Variants in CAB39L observed in about 807,000 individuals in gnomAD.
CAB39L encodes calcium binding protein 39 like, also known as calcium-binding protein 39-like.
In CAB39L, 23 loss-of-function variants were observed where a neutral mutation model predicts 39.1. That is an observed-to-expected ratio of 0.59 (90% CI 0.42 to 0.83). The LOEUF is 0.83. Among genes scored for constraint, CAB39L ranks in the 40% least tolerant of loss-of-function variants. The probability of loss-of-function intolerance (pLI) is 0.00; values close to 1 mark genes in which losing one functional copy is unlikely to be tolerated. For synonymous variants in CAB39L, 126 were observed against 137.2 expected, an observed-to-expected ratio of 0.92 and a Z score of 0.57; for missense variants, 366 against 391.9, an observed-to-expected ratio of 0.93 and a Z score of 0.56.
intron 5 of CAB39L, among the ~76,000 whole-genome samples, chr13:49,361,561 AAAAG>A (rs60755841): frequency 0.017 from 2,042 of 122,102 alleles, 50 homozygotes; most frequent in African/African-American, 0.053. Context: ...AAAGAGAAAG[AAAAG>A]AAAGAAAGAA....
rs1367095163 is a variant in CAB39L, at chr13:49,379,716, A to C, written c.112-2585T>G. Among the ~76,000 whole-genome samples the C allele has an allele frequency of 2.7e-4, 9 of 33,862 alleles. 3 individuals carry two copies. The highest frequency in any genetic ancestry group is 4.4e-4 in the Non-Finnish European group (7 of 15,864). 22.2% of individuals were successfully genotyped at this position (33,862 alleles called of 152,430 possible). On this transcript the variant is annotated intron_variant, in intron 4 of 10. Coordinates refer to ENST00000409308, the MANE Select transcript of CAB39L (RefSeq NM_001079670.3). ...ATAAAAAAATAAATTTAAAAAAAAA[A>C]AAAAACAAAAAAACAAAAACAGTAA...
At chr13:49,381,944 A>G (rs539676212) in intron 4 of CAB39L, among the ~76,000 whole-genome samples, 66 of 152,344 alleles carry the variant, frequency 4.3e-4, no homozygotes, top group African/African-American at 1.6e-3. Context: ...TTTTCAAAGC[A>G]GTTACATCAA....
At chr13:49,438,639 C>T (rs577010405) in intron 1 of CAB39L, among the ~76,000 whole-genome samples, 4 of 152,214 alleles carry the variant, frequency 2.6e-5, no homozygotes, top group South Asian at 2.1e-4. Flanking sequence ...TAAAATGTTG[C>T]CACCAAAAAT....
At position 49,382,905 on chromosome 13, in the gene CAB39L, T is replaced by C. The variant is rs770936685; in HGVS notation, c.6A>G (p.Lys2=). The C allele has an allele frequency of 2.5e-6, 4 of 1,586,268 alleles. No individual in the cohort carries two copies. In the Admixed American group the frequency reaches 6.8e-5, roughly 27 times the overall value. Residue 2 remains lysine, a synonymous_variant, in exon 4 of 11, where the codon AAA becomes AAG. Transcript: ENST00000409308. The part of the protein sequence containing the change: M[K]KMPLFSKSHK... ...GTGATTTACTAAACAAAGGCATTTTTTTCATGTGTAGAAATCTCTTCTTCC... is the reference window on the plus strand; with the variant it reads ...GTGATTTACTAAACAAAGGCATTTTCTTCATGTGTAGAAATCTCTTCTTCC...
intron 10 of CAB39L, among the ~76,000 whole-genome samples, chr13:49,324,950 GTA>G (rs1954454554): frequency 6.6e-6 from 1 of 152,158 alleles, no homozygotes; most frequent in Non-Finnish European, 1.5e-5. Flanking sequence ...CAAACATTAA[GTA>G]TAGGCTGCAT....
chr13:49,361,619 G>A (rs1034246828), intron 5 of CAB39L, among the ~76,000 whole-genome samples: 7 of 151,702 alleles, frequency 4.6e-5, no homozygotes, highest in African/African-American at 1.7e-4. Flanking sequence ...TGACTTGACA[G>A]CAGCCAACTT....
At chr13:49,367,874 T>A (rs1278084822) in intron 5 of CAB39L, among the ~76,000 whole-genome samples, 2 of 149,750 alleles carry the variant, frequency 1.3e-5, no homozygotes, top group African/African-American at 4.9e-5. Flanking sequence ...TAGGTTGCAA[T>A]AAGCTGAGAT....
chr13:49,417,819 TA>T (rs1047054689), intron 3 of CAB39L, among the ~76,000 whole-genome samples: 1 of 151,800 alleles, frequency 6.6e-6, no homozygotes, highest in Admixed American at 6.6e-5. Context: ...AAATCTGAGT[TA>T]AAAAAAACCC....
intron 3 of CAB39L, among the ~76,000 whole-genome samples, chr13:49,417,313 C>T (rs1356359566): frequency 6.6e-6 from 1 of 152,146 alleles, no homozygotes; most frequent in Non-Finnish European, 1.5e-5. Flanking sequence ...AATTTCAGAA[C>T]ACTTCCTTTA....
chr13:49,423,221 A>C (rs1171586311), intron 3 of CAB39L, among the ~76,000 whole-genome samples: 1 of 152,220 alleles, frequency 6.6e-6, no homozygotes, highest in African/African-American at 2.4e-5. Flanking sequence ...AGATTAAATA[A>C]ATCTAGGGCA....
rs74413409 is a variant in CAB39L at position 49,439,037 on chromosome 13, C to T, written c.-245-4814G>A. Among the ~76,000 whole-genome samples the T allele has an allele frequency of 6.4e-4, 98 of 152,320 alleles. 2 individuals are homozygous for T. The East Asian group carries it at 0.018, about 28-fold the overall frequency. ...AACTCCATTTATATTTATTCTGGCT[C>T]TCTTTGCCTGTCTTGTCACCTCTTG... is the stretch of plus-strand genomic sequence containing the variant. On this transcript the variant is annotated intron_variant, in intron 1 of 10. Transcript: ENST00000409308.
At chr13:49,317,934 TC>T (rs1360518460) in intron 10 of CAB39L, among the ~76,000 whole-genome samples, 1 of 151,664 alleles carries the variant, frequency 6.6e-6, no homozygotes, top group African/African-American at 2.4e-5. Flanking sequence ...GAAAACCCAT[TC>T]CAAAAAGGGG....
chr13:49,410,214 T>C (rs576593203), intron 3 of CAB39L, among the ~76,000 whole-genome samples: 1 of 152,288 alleles, frequency 6.6e-6, no homozygotes, highest in African/African-American at 2.4e-5. Flanking sequence ...GTGATACTAA[T>C]AATTCTCATA....
chr13:49,435,607 TCTC>T (rs1383784084), intron 1 of CAB39L, among the ~76,000 whole-genome samples: 3 of 152,142 alleles, frequency 2.0e-5, no homozygotes, highest in Non-Finnish European at 2.9e-5. Flanking sequence ...TTCAAGCAAT[TCTC>T]CTCCCTCAGC....
At chr13:49,362,002 C>T (rs1185123142) in intron 5 of CAB39L, among the ~76,000 whole-genome samples, 2 of 151,756 alleles carry the variant, frequency 1.3e-5, no homozygotes, top group Non-Finnish European at 2.9e-5. Flanking sequence ...ATTTCATATT[C>T]TTTTTGTTAT....
chr13:49,380,566 C>G (rs1219739817), intron 4 of CAB39L, among the ~76,000 whole-genome samples: 2 of 152,040 alleles, frequency 1.3e-5, no homozygotes, highest in Non-Finnish European at 2.9e-5. Flanking sequence ...TGAAAATGTT[C>G]TAGAATTAGA....
chr13:49,326,998 AT>A (rs1375550112), intron 10 of CAB39L, among the ~76,000 whole-genome samples: 1 of 152,074 alleles, frequency 6.6e-6, no homozygotes, highest in Non-Finnish European at 1.5e-5. Context: ...ATGTGTAGGC[AT>A]TTTCCAGGCC....
chr13:49,406,333 A>ATTTTTTTTTTTTTTTT (rs34078174), intron 3 of CAB39L, among the ~76,000 whole-genome samples: 2 of 90,634 alleles, frequency 2.2e-5, no homozygotes, highest in African/African-American at 4.6e-5. Context: ...ATGCCCAGCT[A>ATTTTTTTTTTTTTTTT]TTTTTTTTTT....
At chr13:49,335,738 C>T (rs1290388961) in intron 9 of CAB39L, among the ~76,000 whole-genome samples, 2 of 152,100 alleles carry the variant, frequency 1.3e-5, no homozygotes, top group Non-Finnish European at 2.9e-5. Flanking sequence ...AATTAAATGC[C>T]AGGCCTCTGC....
Sources: allele counts gnomAD v4.1 joint callset (sites outside exome capture counted in the v4.1 genomes callset), GRCh38; gene constraint gnomAD v4.1.1; transcripts MANE v1.5; gene names NCBI Gene and HGNC (gene_info 2026-07-23, HGNC 2026-07-21).